Variants in C22orf42 observed in about 807,000 individuals in gnomAD.
C22orf42 encodes chromosome 22 open reading frame 42.
In C22orf42, 24 loss-of-function variants were observed where a neutral mutation model predicts 31.4. The ratio of observed to expected loss-of-function variants is 0.77; its 90% CI spans 0.55 to 1.08. The LOEUF is 1.08. C22orf42 is among the 50% of genes least tolerant of loss of function. The probability of loss-of-function intolerance (pLI) is 0.00; values close to 1 mark genes in which losing one functional copy is unlikely to be tolerated. For missense variants in C22orf42, 276 were observed against 327.3 expected, an observed-to-expected ratio of 0.84 and a Z score of 1.21; for synonymous variants, 96 against 112.7, an observed-to-expected ratio of 0.85 and a Z score of 0.94.
chr22:32,153,272 A>G (rs1921068911), intron 2 of C22orf42, among the ~76,000 whole-genome samples: 1 of 152,336 alleles, frequency 6.6e-6, no homozygotes, highest in Non-Finnish European at 1.5e-5. Flanking sequence ...TCCTCAGAGA[A>G]AATCAACAAA....
upstream of C22orf42, chr22:32,159,417 C>A: frequency 7.0e-7 from 1 of 1,420,234 alleles, no homozygotes; most frequent in Non-Finnish European, 9.2e-7. Context: ...CCCACAGACC[C>A]ACCAAATGCC....
At chr22:32,154,874 C>T (rs866975230) in intron 1 of C22orf42, among the ~76,000 whole-genome samples, 10 of 152,162 alleles carry the variant, frequency 6.6e-5, no homozygotes, top group Admixed American at 3.9e-4. Flanking sequence ...AGAGAGGGAG[C>T]GTGTATGGCT....
chr22:32,153,363 A>C (rs1669407992), intron 2 of C22orf42, among the ~76,000 whole-genome samples: 1 of 152,224 alleles, frequency 6.6e-6, no homozygotes, highest in Admixed American at 6.5e-5. Context: ...GAAAGAAGTC[A>C]CAGTGTACTA....
chr22:32,152,162 C>T (rs997499330), intron 3 of C22orf42, 68 bp from the exon 4 acceptor site: 37 of 1,555,748 alleles, frequency 2.4e-5, no homozygotes, highest in Non-Finnish European at 3.0e-5. Context: ...TTGGCAAAGG[C>T]CTTTTATTCA....
Position 32,150,354 on chromosome 22 carries a change from A to G in C22orf42, c.619T>C (p.Ser207Pro), listed in dbSNP as rs1195564887. 3 of 1,614,192 alleles carry G rather than the reference A, an allele frequency of 1.9e-6. No homozygotes were observed. The highest frequency in any genetic ancestry group is 3.3e-5 in the Admixed American group (2 of 60,032). Residue 207 changes from serine to proline, a missense_variant, in exon 7 of 9, where the codon TCT (serine) becomes CCT (proline). Coordinates refer to ENST00000382097, the MANE Select transcript of C22orf42 (RefSeq NM_001010859.3). ...FMTSGLSESL[S>P]VSLEDLMTPE... is the part of the protein sequence containing the mutation. ...GTCATGAGGTCTTCAAGAGAGACAG[A>G]TAGGCTTTCACTGAGACCTGATGTC...
Position 32,150,707 on chromosome 22 carries a change from A to G in C22orf42, c.494-228T>C, listed in dbSNP as rs2094111504. 9.6e-6 allele frequency: 6 copies of G among 625,574 alleles called. No individual in the cohort carries two copies. In the South Asian group the frequency reaches 1.0e-4, roughly 11 times the overall value. The allele number at this position is 625,574 out of a possible 1,614,324, so 38.8% of individuals were successfully genotyped here. On this transcript the variant is annotated intron_variant, in intron 6 of 8. Coordinates refer to ENST00000382097, the MANE Select transcript of C22orf42 (RefSeq NM_001010859.3). ...GCTAGAGCAACTTCATCAATGTGAA[A>G]TAGTCACCTTAAGAACCAGTTAATA...
At chr22:32,155,389 C>A (rs900434070) in intron 1 of C22orf42, among the ~76,000 whole-genome samples, 1 of 151,864 alleles carries the variant, frequency 6.6e-6, no homozygotes, top group African/African-American at 2.4e-5. Context: ...TTACCTAAAT[C>A]CACTCTATTT....
intron 3 of C22orf42, 128 bp downstream of exon 3, chr22:32,152,434 G>A (rs9609456): frequency 0.15 from 118,851 of 800,488 alleles, 10,172 homozygotes; most frequent in Middle Eastern, 0.21. Context: ...TCCAGTGACC[G>A]GTCTCTAGAG....
At chr22:32,152,979 C>T (rs1343524995) in intron 2 of C22orf42, among the ~76,000 whole-genome samples, 3 of 152,174 alleles carry the variant, frequency 2.0e-5, no homozygotes, top group African/African-American at 7.2e-5. Context: ...GATCATTTAA[C>T]TTCTGTGGAT....
At chr22:32,159,344 C>T (rs889692764), upstream of C22orf42, 4 of 1,450,718 alleles carry the variant, frequency 2.8e-6, no homozygotes, top group Non-Finnish European at 1.8e-6. Flanking sequence ...AACCACAAAA[C>T]CTCCTATGTC....
rs147242510 is a variant in C22orf42, at chr22:32,159,212, C to T, written c.4G>A (p.Gly2Arg). The T allele has an allele frequency of 1.9e-6, 3 of 1,612,814 alleles. No homozygotes were observed. Among genetic ancestry groups the T allele is most frequent in the Non-Finnish European group, 2.5e-6 (3 of 1,180,004 alleles). The stretch of plus-strand genomic sequence containing the variant: ...CCCAGGCAGCAAGTCAGTTTGCTCC[C>T]CATTGGGCACCTAAACACACAAAAA... MGSKLTCCLGPS... is the reference protein window; with the variant it reads MRSKLTCCLGPS... The change falls in exon 1 of 9, where the codon GGG becomes AGG. Residue 2 changes from glycine to arginine, a missense_variant. Coordinates refer to ENST00000382097, the MANE Select transcript of C22orf42 (RefSeq NM_001010859.3).
intron 1 of C22orf42, among the ~76,000 whole-genome samples, chr22:32,156,812 T>G (rs1434193809): frequency 1.3e-5 from 2 of 151,676 alleles, no homozygotes; most frequent in Non-Finnish European, 2.9e-5. Flanking sequence ...CAACAAGGAC[T>G]TTGTGCATAG....
chr22:32,156,401 C>T (rs1191936043), intron 1 of C22orf42, among the ~76,000 whole-genome samples: 1 of 148,610 alleles, frequency 6.7e-6, no homozygotes, highest in Non-Finnish European at 1.5e-5. Flanking sequence ...AATGCACAAT[C>T]AATTACAAAG....
rs2094110971 is a variant in C22orf42 at position 32,150,475 on chromosome 22, C to G, written c.498G>C (p.Leu166Phe). The G allele has an allele frequency of 1.9e-6, 3 of 1,613,986 alleles. No individual in the cohort carries two copies. Among genetic ancestry groups the G allele is most frequent in the Non-Finnish European group, 2.5e-6 (3 of 1,179,980 alleles). ...EISEAKHDHHLVEDLSESLSV... is the reference protein window; with the variant it reads ...EISEAKHDHHFVEDLSESLSV... Reference sequence around the variant, plus strand: ...ATAGGCTTTCACTGAGATCTTCGACCAAATCTAGGAGAACATAGTGACAGT... The same window carrying G: ...ATAGGCTTTCACTGAGATCTTCGACGAAATCTAGGAGAACATAGTGACAGT... Residue 166 changes from leucine to phenylalanine, a missense_variant, in exon 7 of 9, where the codon TTG becomes TTC. Physicochemically the swap from Leu to Phe is conservative, Grantham distance 22 (BLOSUM62 0). Coordinates refer to ENST00000382097, the MANE Select transcript of C22orf42 (RefSeq NM_001010859.3).
At position 32,152,632 on chromosome 22, in the gene C22orf42, A is replaced by C. The variant is rs1468386732; in HGVS notation, c.308-6T>G. 2 of 1,613,576 alleles carry C rather than the reference A, an allele frequency of 1.2e-6. No homozygotes were observed. The highest frequency in any genetic ancestry group is 1.7e-6 in the Non-Finnish European group (2 of 1,179,618). On this transcript the variant is annotated splice_region_variant and splice_polypyrimidine_tract_variant and intron_variant, in intron 2 of 8. Transcript: ENST00000382097. ...CTGCACATCTTCAGTGGGACCTAGG[A>C]GAACACAGAGTGACAGTCAGTGCAT...
At chr22:32,149,964 T>C in intron 7 of C22orf42, 184 bp from the exon 8 acceptor site, 1 of 516,576 alleles carries the variant, frequency 1.9e-6, no homozygotes. Context: ...GAATATTTAG[T>C]AAGTCCATGT....
Position 32,159,298 on chromosome 22 carries a change from C to T in C22orf42, c.-83G>A. On this transcript the variant is annotated 5_prime_UTR_variant, in exon 1 of 9. Coordinates refer to ENST00000382097, the MANE Select transcript of C22orf42 (RefSeq NM_001010859.3). ...CTCCTCCTCCTTCTACGGCCAGCTACCGACTGAAGGCTGCTGGCCCTGGCC... is the reference window on the plus strand; with the variant it reads ...CTCCTCCTCCTTCTACGGCCAGCTATCGACTGAAGGCTGCTGGCCCTGGCC... The T allele has an allele frequency of 1.9e-6, 3 of 1,550,148 alleles. No homozygotes were observed. Among genetic ancestry groups the T allele is most frequent in the Non-Finnish European group, 2.6e-6 (3 of 1,154,482 alleles).
chr22:32,158,970 C>A lies in C22orf42; in HGVS notation c.232+14G>T. ...GAGATGCCAGAGAGCAAATGGCACC[C>A]ATGGCTTCTTTACCTTTGGACATCT... On this transcript the variant is annotated intron_variant, in intron 1 of 8. Transcript: ENST00000382097. 6.2e-7 allele frequency: 1 copy of A among 1,614,040 alleles called. No homozygotes were observed. The highest frequency in any genetic ancestry group is 1.1e-5 in the South Asian group (1 of 91,046).
intron 1 of C22orf42, among the ~76,000 whole-genome samples, chr22:32,158,588 C>A (rs1456628707): frequency 6.6e-6 from 1 of 152,182 alleles, no homozygotes; most frequent in Non-Finnish European, 1.5e-5. Flanking sequence ...GAAGTCTCCA[C>A]ATATTTGAGT....
Sources: allele counts gnomAD v4.1 joint callset (sites outside exome capture counted in the v4.1 genomes callset), GRCh38; gene constraint gnomAD v4.1.1; transcripts MANE v1.5; gene names NCBI Gene and HGNC (gene_info 2026-07-23, HGNC 2026-07-21).